CSMD1: variants seen among roughly 807,000 people sequenced by gnomAD.
CSMD1 encodes CUB and Sushi multiple domains 1.
CSMD1 carries 213 observed loss-of-function variants against 417.5 expected under a neutral mutation model. The ratio of observed to expected loss-of-function variants is 0.51; its 90% CI spans 0.46 to 0.57. The LOEUF is 0.57. CSMD1 is among the 20% of genes least tolerant of loss of function. The pLI, the probability that CSMD1 is intolerant of heterozygous loss-of-function variation, is 0.00. For missense variants in CSMD1, 6,923 were observed against 4,529.7 expected, an observed-to-expected ratio of 1.53 and a Z score of -15.17; for synonymous variants, 2,862 against 1,736.8, an observed-to-expected ratio of 1.65 and a Z score of -16.11.
chr8:4,321,224 T>C (rs542889703), intron 3 of CSMD1, among the ~76,000 whole-genome samples: 1 of 152,232 alleles, frequency 6.6e-6, no homozygotes, highest in East Asian at 1.9e-4. Context: ...AACACGTTCA[T>C]GAGGCGTGCC....
At chr8:3,670,597 A>G (rs1221046235) in intron 7 of CSMD1, among the ~76,000 whole-genome samples, 1 of 147,822 alleles carries the variant, frequency 6.8e-6, no homozygotes, top group Non-Finnish European at 1.5e-5. Flanking sequence ...GGGGATATAT[A>G]TATTGCACAT....
chr8:3,083,376 A>C lies in CSMD1; in HGVS notation c.7474+3721T>G, dbSNP rs190208509. Among the ~76,000 whole-genome samples, 639 of 151,642 alleles carry C rather than the reference A, an allele frequency of 4.2e-3. 2 individuals are homozygous for C. Among genetic ancestry groups the C allele is most frequent in the Non-Finnish European group, 8.1e-3 (550 of 67,922 alleles). ...TTTAACACCAGAGGAAAAGAGCAAC[A>C]CATCGTTGATAATCAGAGTGCTTTC... On this transcript the variant is annotated intron_variant, in intron 49 of 69. Coordinates refer to ENST00000635120, the MANE Select transcript of CSMD1 (RefSeq NM_033225.6).
At chr8:3,854,329 T>C (rs1804141202) in intron 5 of CSMD1, among the ~76,000 whole-genome samples, 1 of 151,830 alleles carries the variant, frequency 6.6e-6, no homozygotes, top group Non-Finnish European at 1.5e-5. Flanking sequence ...TTTTATTTTG[T>C]AGTCTTTTTT....
intron 7 of CSMD1, among the ~76,000 whole-genome samples, chr8:3,638,895 G>A (rs1170972952): frequency 6.6e-6 from 1 of 152,200 alleles, no homozygotes; most frequent in African/African-American, 2.4e-5. Context: ...AGGGAAAAGT[G>A]AAGAAGGGAC....
chr8:4,898,635 A>T (rs775692985), intron 1 of CSMD1, among the ~76,000 whole-genome samples: 1 of 152,138 alleles, frequency 6.6e-6, no homozygotes, highest in African/African-American at 2.4e-5. Flanking sequence ...AATTTTTTTT[A>T]TGAAAAATTT....
chr8:4,647,274 C>T (rs1369538916), intron 1 of CSMD1, among the ~76,000 whole-genome samples: 23 of 150,108 alleles, frequency 1.5e-4, no homozygotes, highest in Admixed American at 6.0e-4. Flanking sequence ...AAAAAAAATC[C>T]GGGATACATG....
chr8:4,708,813 G>A (rs1310394604), intron 1 of CSMD1, among the ~76,000 whole-genome samples: 1 of 152,116 alleles, frequency 6.6e-6, no homozygotes, highest in Non-Finnish European at 1.5e-5. Context: ...AAATTAAAAT[G>A]AGGTCATTAG....
chr8:2,937,791 A>G lies in CSMD1; in HGVS notation c.*794T>C, dbSNP rs1331764830. On this transcript the variant is annotated 3_prime_UTR_variant, in exon 70 of 70. Transcript: ENST00000635120. ...GCCATATCTAGGAATACTTTTCCCT[A>G]ACACTCCAACTAAGCTGATGGGGGA... The G allele has an allele frequency of 6.5e-6, 1 of 152,680 alleles. No homozygotes were observed. Among genetic ancestry groups the G allele is most frequent in the Non-Finnish European group, 1.5e-5 (1 of 68,046 alleles). 9.5% of individuals were successfully genotyped at this position (152,680 alleles called of 1,614,324 possible). A position where few individuals can be genotyped will look rare whatever the true frequency, so the allele number is the denominator to read the frequency against.
Position 3,110,208 on chromosome 8 carries a change from G to C in CSMD1, c.6558C>G (p.Ile2186Met). 6.2e-7 allele frequency: 1 copy of C among 1,613,124 alleles called. No homozygotes were observed. Among genetic ancestry groups the C allele is most frequent in the Non-Finnish European group, 8.5e-7 (1 of 1,179,534 alleles). The change falls in exon 43 of 70, where the codon ATC (isoleucine) becomes ATG (methionine). Residue 2186 changes from isoleucine to methionine, a missense_variant. Coordinates refer to ENST00000635120, the MANE Select transcript of CSMD1 (RefSeq NM_033225.6). ...ITVPPGHGVY[I>M]NFTLLQTEAV... ...CTTCCGTCTGTAACAGGGTGAAGTT[G>C]ATGTAAACTCCGTGCCCTGGAGGCA... is the stretch of plus-strand genomic sequence containing the variant.
intron 2 of CSMD1, among the ~76,000 whole-genome samples, chr8:4,597,523 C>T (rs1268621154): frequency 1.3e-5 from 2 of 152,060 alleles, no homozygotes; most frequent in Non-Finnish European, 2.9e-5. Flanking sequence ...TACTCTATAT[C>T]TTTCTATTTT....
At chr8:3,806,604 G>T (rs753579954) in intron 5 of CSMD1, among the ~76,000 whole-genome samples, 11 of 152,126 alleles carry the variant, frequency 7.2e-5, no homozygotes, top group Non-Finnish European at 1.3e-4. Context: ...AGAGTAGTAG[G>T]AACAACATCA....
chr8:4,206,243 G>A (rs764938767), intron 3 of CSMD1, among the ~76,000 whole-genome samples: 3 of 151,964 alleles, frequency 2.0e-5, no homozygotes, highest in Non-Finnish European at 2.9e-5. Flanking sequence ...TGTGCACAAG[G>A]GGCAGGTTTG....
intron 5 of CSMD1, among the ~76,000 whole-genome samples, chr8:3,794,013 G>A (rs1378626921): frequency 2.0e-5 from 3 of 152,072 alleles, no homozygotes; most frequent in Non-Finnish European, 4.4e-5. Flanking sequence ...CTTATCCCAC[G>A]CGTAGACAGA....
At position 4,450,308 on chromosome 8, in the gene CSMD1, C is replaced by G. The variant is rs147784376; in HGVS notation, c.303-30243G>C. The stretch of plus-strand genomic sequence containing the variant: ...AAGCTGTGCACTGTTTGCTGCAACT[C>G]AGAGTATTTTTTCTTTGTTTTTTTA... On this transcript the variant is annotated intron_variant, in intron 2 of 69. Coordinates refer to ENST00000635120, the MANE Select transcript of CSMD1 (RefSeq NM_033225.6). Among the ~76,000 whole-genome samples the G allele has an allele frequency of 2.6e-5, 4 of 152,276 alleles. No individual in the cohort carries two copies. In the East Asian group the frequency reaches 5.8e-4, roughly 22 times the overall value.
intron 3 of CSMD1, among the ~76,000 whole-genome samples, chr8:4,226,941 G>C (rs1293029347): frequency 1.3e-5 from 2 of 152,156 alleles, no homozygotes; most frequent in African/African-American, 4.8e-5. Flanking sequence ...TATTTCATAA[G>C]GCTGCTTAAC....
intron 1 of CSMD1, among the ~76,000 whole-genome samples, chr8:4,742,593 T>C (rs1026606902): frequency 1.3e-5 from 2 of 152,146 alleles, no homozygotes; most frequent in Non-Finnish European, 2.9e-5. Flanking sequence ...CCATTATTAT[T>C]TGTAAGTTGA....
chr8:3,206,350 G>A (rs1266319330), intron 30 of CSMD1, among the ~76,000 whole-genome samples: 1 of 134,876 alleles, frequency 7.4e-6, no homozygotes, highest in South Asian at 2.4e-4. Flanking sequence ...TTTGGGGTGT[G>A]TGTGTATGTG....
At chr8:4,908,201 C>A (rs1178824967) in intron 1 of CSMD1, among the ~76,000 whole-genome samples, 1 of 152,102 alleles carries the variant, frequency 6.6e-6, no homozygotes, top group Non-Finnish European at 1.5e-5. Flanking sequence ...TTCTTGTTTG[C>A]AGTTTCTGAT....
At chr8:3,711,998 G>A (rs146850939) in intron 6 of CSMD1, among the ~76,000 whole-genome samples, 1 of 152,140 alleles carries the variant, frequency 6.6e-6, no homozygotes, top group Non-Finnish European at 1.5e-5. Flanking sequence ...TCTGAAAGCT[G>A]GATGAGCTAA....
Sources: allele counts gnomAD v4.1 joint callset (sites outside exome capture counted in the v4.1 genomes callset), GRCh38; gene constraint gnomAD v4.1.1; transcripts MANE v1.5; gene names NCBI Gene and HGNC (gene_info 2026-07-23, HGNC 2026-07-21).